Variants in UNC79 observed in about 807,000 individuals in gnomAD.
UNC79 encodes the protein protein unc-79 homolog.
Under a neutral mutation model 283.1 loss-of-function variants are expected in UNC79, and 37 were observed. The ratio of observed to expected loss-of-function variants is 0.13; its 90% CI spans 0.10 to 0.17. The LOEUF is 0.17. Ranked by LOEUF, UNC79 falls within the 10% of genes least tolerant of loss-of-function variation. The probability of loss-of-function intolerance (pLI) is 1.00; values close to 1 mark genes in which losing one functional copy is unlikely to be tolerated. For missense variants in UNC79, 2,272 were observed against 3,211.1 expected (o/e 0.71, Z 7.07); for synonymous variants, 1,107 against 1,200.2 (o/e 0.92, Z 1.61).
At chr14:93,522,867 A>C (rs901213548) in intron 7 of UNC79, among the ~76,000 whole-genome samples, 3 of 152,178 alleles carry the variant, frequency 2.0e-5, no homozygotes, top group Non-Finnish European at 4.4e-5. Context: ...ATAATCTTAT[A>C]CATGGTCTAA....
intron 1 of UNC79, among the ~76,000 whole-genome samples, chr14:93,446,462 C>G (rs1434579811): frequency 6.7e-6 from 1 of 149,414 alleles, no homozygotes; most frequent in Admixed American, 6.7e-5. Context: ...GTGGCACGAT[C>G]TTAGCTCACT....
chr14:93,425,111 A>C (rs1159257860), intron 1 of UNC79, among the ~76,000 whole-genome samples: 1 of 152,204 alleles, frequency 6.6e-6, no homozygotes, highest in East Asian at 1.9e-4. Flanking sequence ...AAAGAGGTTT[A>C]ATTGACTCAC....
chr14:93,440,610 A>G (rs755276497), intron 1 of UNC79, among the ~76,000 whole-genome samples: 2 of 150,882 alleles, frequency 1.3e-5, no homozygotes, highest in East Asian at 1.9e-4. Flanking sequence ...GTTGTAGCCT[A>G]CAGATTCTGG....
chr14:93,407,651 G>A (rs975069426), intron 1 of UNC79, among the ~76,000 whole-genome samples: 3 of 152,080 alleles, frequency 2.0e-5, no homozygotes, highest in Non-Finnish European at 2.9e-5. Flanking sequence ...TAGTTTTTCC[G>A]TCTCACAGAA....
intron 11 of UNC79, among the ~76,000 whole-genome samples, chr14:93,537,353 A>G (rs1032550589): frequency 3.9e-5 from 6 of 152,202 alleles, no homozygotes; most frequent in Non-Finnish European, 8.8e-5. Context: ...TGCTGACTCT[A>G]CGAAGGGTTC....
At chr14:93,339,182 T>C (rs573666085) in intron 1 of UNC79, among the ~76,000 whole-genome samples, 1 of 152,234 alleles carries the variant, frequency 6.6e-6, no homozygotes, top group African/African-American at 2.4e-5. Context: ...AGGGTACAGA[T>C]GTTCACACAG....
At chr14:93,687,975 G>A (rs867539875) in intron 43 of UNC79, among the ~76,000 whole-genome samples, 1 of 152,264 alleles carries the variant, frequency 6.6e-6, no homozygotes, top group Middle Eastern at 3.4e-3. Context: ...AAGGCCATGG[G>A]ACTAGCTAGG....
intron 27 of UNC79, among the ~76,000 whole-genome samples, chr14:93,613,958 T>C (rs1048490224): frequency 3.9e-5 from 6 of 152,232 alleles, no homozygotes; most frequent in East Asian, 3.9e-4. Context: ...TCTGTGTGTT[T>C]CAGCTACTTT....
rs1360905551 is a variant in UNC79 at position 93,395,732 on chromosome 14, A to G, written c.-351+62209A>G. 2.6e-5 allele frequency among the ~76,000 whole-genome samples: 4 copies of G among 151,896 alleles called. No homozygotes were observed. The East Asian group carries it at 7.7e-4, about 29-fold the overall frequency. On this transcript the variant is annotated intron_variant, in intron 1 of 49. Coordinates refer to the UNC79 transcript ENST00000256339. The stretch of plus-strand genomic sequence containing the variant: ...AGTACTTTGAATATGTCATCCCACC[A>G]TTTCTGGTCTCTACAATTTCTGATG...
chr14:93,691,246 G>C (rs867369322), intron 45 of UNC79: 7 of 167,688 alleles, frequency 4.2e-5, no homozygotes, highest in Non-Finnish European at 9.3e-5. Flanking sequence ...GCCATCTCTG[G>C]CGTGTTGTAG....
chr14:93,493,258 G>A (rs749324113), intron 5 of UNC79, among the ~76,000 whole-genome samples: 5 of 152,100 alleles, frequency 3.3e-5, no homozygotes, highest in Non-Finnish European at 5.9e-5. Context: ...GAGACTGAAG[G>A]ATCAGTGTAG....
Position 93,633,223 on chromosome 14 carries a change from A to T in UNC79, c.5716+2315A>T, listed in dbSNP as rs1030612814. Among the ~76,000 whole-genome samples, 18 of 152,324 alleles carry T rather than the reference A, an allele frequency of 1.2e-4. No homozygotes were observed. The South Asian group carries it at 2.7e-3, about 23-fold the overall frequency. ...GTGGCAAAAACCAGAGATGTTTAGT[A>T]TTAGGTTGAGTAGTCATTTCCATGA... On this transcript the variant is annotated intron_variant, in intron 31 of 48. Coordinates refer to ENST00000555664, the Ensembl canonical transcript of UNC79.
exon 37 of UNC79, chr14:93,654,020 C>A (rs774596793): frequency 6.2e-7 from 1 of 1,614,072 alleles, no homozygotes. Flanking sequence ...CAGTCAGCTC[C>A]TAGAGGTGGG....
chr14:93,576,406 A>G (rs1488483059), intron 17 of UNC79, among the ~76,000 whole-genome samples: 2 of 152,170 alleles, frequency 1.3e-5, no homozygotes, highest in East Asian at 1.9e-4. Flanking sequence ...AAACCTGCAC[A>G]TGTGTTCCCC....
intron 30 of UNC79, among the ~76,000 whole-genome samples, chr14:93,623,573 C>T (rs1050593047): frequency 1.3e-5 from 2 of 152,216 alleles, no homozygotes. Flanking sequence ...CAAAACCCAT[C>T]TTCATTTCTT....
At chr14:93,347,171 C>G (rs1048838217) in intron 1 of UNC79, 2 of 1,416,366 alleles carry the variant, frequency 1.4e-6, no homozygotes, top group African/African-American at 3.0e-5. Flanking sequence ...GCTGGGGCGC[C>G]TGCGCAAACC....
chr14:93,404,757 AAG>A (rs2055193472), intron 1 of UNC79, among the ~76,000 whole-genome samples: 2 of 151,462 alleles, frequency 1.3e-5, no homozygotes, highest in Non-Finnish European at 2.9e-5. Context: ...CTCTTAATGA[AAG>A]AGAGCAGATT....
chr14:93,351,532 A>G (rs77871183), intron 1 of UNC79, among the ~76,000 whole-genome samples: 2,004 of 152,288 alleles, frequency 0.013, 55 homozygotes, highest in African/African-American at 0.046. Flanking sequence ...GTATACCCCA[A>G]ATAGACTCCT....
chr14:93,662,206 C>G (rs1014448717), intron 39 of UNC79, among the ~76,000 whole-genome samples: 5 of 152,104 alleles, frequency 3.3e-5, no homozygotes, highest in Non-Finnish European at 2.9e-5. Flanking sequence ...ACTACTTAAC[C>G]CAGAAGACAG....
Sources: allele counts gnomAD v4.1 joint callset (sites outside exome capture counted in the v4.1 genomes callset), GRCh38; gene constraint gnomAD v4.1.1; transcripts MANE v1.5; gene names NCBI Gene and HGNC (gene_info 2026-07-23, HGNC 2026-07-21).